The following TDRP variants were observed in gnomAD, a reference collection of about 807,000 sequenced individuals.
TDRP encodes testis development-related protein.
A neutral mutation model predicts 10.5 loss-of-function variants in TDRP; 12 were observed. That is an observed-to-expected ratio of 1.15 (90% CI 0.73 to 1.86). TDRP has a LOEUF of 1.86. Among genes scored for constraint, TDRP ranks in the 40% most tolerant of loss-of-function variants. The probability of loss-of-function intolerance (pLI) is 0.00; values close to 1 mark genes in which losing one functional copy is unlikely to be tolerated. For missense variants in TDRP, 353 were observed against 229.2 expected, an observed-to-expected ratio of 1.54 and a Z score of -3.49; for synonymous variants, 139 against 95.4, an observed-to-expected ratio of 1.46 and a Z score of -2.67.
rs374662654 is a variant in TDRP, at chr8:500,294, G to A, written c.109-5697C>T. 2.3e-4 allele frequency among the ~76,000 whole-genome samples: 35 copies of A among 152,304 alleles called. 2 individuals carry two copies. The South Asian group carries it at 6.9e-3, about 30-fold the overall frequency. On this transcript the variant is annotated intron_variant, in intron 1 of 2. Coordinates refer to ENST00000324079, the MANE Select transcript of TDRP (RefSeq NM_001384899.1). ...TAATTTACCAAAATTATTCCTGTTA[G>A]GTTAAACGGCAGTGTCTTATCAAAA...
chr8:516,241 CCA>C (rs1801755082), intron 1 of TDRP, among the ~76,000 whole-genome samples: 2 of 152,112 alleles, frequency 1.3e-5, no homozygotes, highest in African/African-American at 2.4e-5. Flanking sequence ...AAAATCTCCC[CCA>C]AGTGAGCTAC....
Position 542,854 on chromosome 8 carries a change from T to C in TDRP, c.108+1796A>G, listed in dbSNP as rs111423892. Among the ~76,000 whole-genome samples, 218 of 84,542 alleles carry C rather than the reference T, an allele frequency of 2.6e-3. 1 individual carries two copies. Among genetic ancestry groups the C allele is most frequent in the African/African-American group, 8.1e-3 (197 of 24,280 alleles). The allele number at this position is 84,542 out of a possible 152,430, so 55.5% of individuals were successfully genotyped here. On this transcript the variant is annotated intron_variant, in intron 1 of 2. Transcript: ENST00000324079. The stretch of plus-strand genomic sequence containing the variant: ...CCTGGGCGACAAGAGCGAAACTTCA[T>C]CTCAAAAAAAAAAAAAAAAAAGTAT...
At chr8:542,439 T>C (rs914966134) in intron 1 of TDRP, among the ~76,000 whole-genome samples, 4 of 151,618 alleles carry the variant, frequency 2.6e-5, no homozygotes, top group African/African-American at 7.3e-5. Context: ...GGGGTGATGA[T>C]AGTGGGGGGC....
At chr8:526,619 G>C (rs1436403514) in intron 1 of TDRP, among the ~76,000 whole-genome samples, 1 of 152,052 alleles carries the variant, frequency 6.6e-6, no homozygotes, top group African/African-American at 2.4e-5. Context: ...ATTTAATTGA[G>C]AATTTTTACA....
intron 1 of TDRP, among the ~76,000 whole-genome samples, chr8:533,550 C>T (rs577616778): frequency 1.4e-4 from 21 of 152,342 alleles, no homozygotes; most frequent in Middle Eastern, 3.4e-3. Flanking sequence ...ACCTCCCTGA[C>T]TAGAACCCCA....
At chr8:515,454 G>A (rs1037987657) in intron 1 of TDRP, among the ~76,000 whole-genome samples, 1 of 152,164 alleles carries the variant, frequency 6.6e-6, no homozygotes, top group Non-Finnish European at 1.5e-5. Flanking sequence ...TGAAATATTT[G>A]CATTATACCA....
upstream of TDRP, chr8:545,719 C>T (rs1802635691): frequency 6.6e-6 from 1 of 151,952 alleles, no homozygotes; most frequent in African/African-American, 2.4e-5. Context: ...GAGGAAGCCT[C>T]GCCCAGCCCT....
At chr8:496,362 G>A (rs1451886120) in intron 1 of TDRP, among the ~76,000 whole-genome samples, 4 of 152,178 alleles carry the variant, frequency 2.6e-5, no homozygotes, top group African/African-American at 7.2e-5. Context: ...TAACCCATCT[G>A]GACTCTGGAG....
chr8:537,644 G>A (rs924757026), intron 1 of TDRP, among the ~76,000 whole-genome samples: 2 of 152,150 alleles, frequency 1.3e-5, no homozygotes, highest in African/African-American at 2.4e-5. Flanking sequence ...AAACAAGTAA[G>A]AATTCACCGG....
At chr8:528,411 T>C (rs909666399) in intron 1 of TDRP, among the ~76,000 whole-genome samples, 4 of 131,024 alleles carry the variant, frequency 3.1e-5, no homozygotes, top group African/African-American at 1.1e-4. Context: ...CTGCTAGATA[T>C]ATACCCAAAA....
chr8:495,525 T>G (rs906203717), intron 1 of TDRP, among the ~76,000 whole-genome samples: 5 of 152,148 alleles, frequency 3.3e-5, no homozygotes, highest in Admixed American at 6.5e-5. Flanking sequence ...ACGAAATCCA[T>G]TACTAAGAAG....
intron 1 of TDRP, among the ~76,000 whole-genome samples, chr8:507,513 T>A (rs1211662260): frequency 6.6e-6 from 1 of 152,096 alleles, no homozygotes; most frequent in Non-Finnish European, 1.5e-5. Flanking sequence ...TCAGCAGCAA[T>A]TACTGGAATT....
intron 1 of TDRP, among the ~76,000 whole-genome samples, chr8:509,576 C>A (rs1469291160): frequency 1.3e-5 from 2 of 152,102 alleles, no homozygotes; most frequent in African/African-American, 4.8e-5. Flanking sequence ...GCACCAAGAA[C>A]CAGGCTACAC....
chr8:517,393 C>T (rs922082776), intron 1 of TDRP, among the ~76,000 whole-genome samples: 3 of 152,202 alleles, frequency 2.0e-5, no homozygotes, highest in African/African-American at 7.2e-5. Context: ...AACGAAGCAT[C>T]TGACACCGTT....
chr8:508,847 G>A (rs556240561), intron 1 of TDRP, among the ~76,000 whole-genome samples: 1 of 152,218 alleles, frequency 6.6e-6, no homozygotes, highest in East Asian at 1.9e-4. Context: ...AGTCCCTTTT[G>A]CCTATAAGCC....
Position 502,407 on chromosome 8 carries a change from C to A in TDRP, c.109-7810G>T, listed in dbSNP as rs571967540. On this transcript the variant is annotated intron_variant, in intron 1 of 2. Transcript: ENST00000324079. ...GTTCACCAAATTGCAGGGTGCCAGGCCAACGACCCTTCAGGGTGTGGTGGG... is the reference window on the plus strand; with the variant it reads ...GTTCACCAAATTGCAGGGTGCCAGGACAACGACCCTTCAGGGTGTGGTGGG... 9.8e-5 allele frequency among the ~76,000 whole-genome samples: 15 copies of A among 152,344 alleles called. No homozygotes were observed. The East Asian group carries it at 2.9e-3, about 29-fold the overall frequency.
At chr8:523,736 G>C (rs1440421161) in intron 1 of TDRP, among the ~76,000 whole-genome samples, 1 of 152,126 alleles carries the variant, frequency 6.6e-6, no homozygotes, top group African/African-American at 2.4e-5. Flanking sequence ...GGGAAGAGTG[G>C]GAAGGACTTT....
At chr8:509,566 G>A (rs1554459795) in intron 1 of TDRP, among the ~76,000 whole-genome samples, 1 of 152,132 alleles carries the variant, frequency 6.6e-6, no homozygotes, top group Non-Finnish European at 1.5e-5. Context: ...GGGAGACAGG[G>A]CACCAAGAAC....
chr8:496,702 A>C (rs1454799450), intron 1 of TDRP, among the ~76,000 whole-genome samples: 2 of 152,136 alleles, frequency 1.3e-5, no homozygotes, highest in East Asian at 3.9e-4. Context: ...GCATGTCCTA[A>C]AGGTGTGATA....
Sources: allele counts gnomAD v4.1 joint callset (sites outside exome capture counted in the v4.1 genomes callset), GRCh38; gene constraint gnomAD v4.1.1; transcripts MANE v1.5; gene names NCBI Gene and HGNC (gene_info 2026-07-23, HGNC 2026-07-21).